RERE: variants seen among roughly 807,000 people sequenced by gnomAD.
RERE encodes arginine-glutamic acid dipeptide repeats protein.
In RERE, 40 loss-of-function variants were observed where a neutral mutation model predicts 146.1. The ratio of observed to expected loss-of-function variants is 0.27; its 90% CI spans 0.21 to 0.36. The LOEUF (loss-of-function observed/expected upper bound fraction) is 0.36. Among genes scored for constraint, RERE ranks in the 10% least tolerant of loss-of-function variants. The probability of loss-of-function intolerance (pLI) is 1.00; values close to 1 mark genes in which losing one functional copy is unlikely to be tolerated. For synonymous variants in RERE, 1,003 were observed against 866.0 expected, an observed-to-expected ratio of 1.16 and a Z score of -2.78; for missense variants, 1,933 against 2,138.7, an observed-to-expected ratio of 0.90 and a Z score of 1.90.
chr1:8,692,820 C>T (rs895099951), intron 1 of RERE, among the ~76,000 whole-genome samples: 3 of 152,144 alleles, frequency 2.0e-5, no homozygotes, highest in South Asian at 2.1e-4. Flanking sequence ...TTACATGAAC[C>T]CTAACCTATC....
chr1:8,647,706 GGTTTT>G (rs1292132210), intron 2 of RERE, among the ~76,000 whole-genome samples: 1 of 148,610 alleles, frequency 6.7e-6, no homozygotes, highest in Non-Finnish European at 1.5e-5. Flanking sequence ...ACCACATCTT[GGTTTT>G]GTTTTATTTT....
At chr1:8,487,768 C>A (rs191515397) in intron 10 of RERE, among the ~76,000 whole-genome samples, 2 of 152,040 alleles carry the variant, frequency 1.3e-5, no homozygotes, top group Non-Finnish European at 2.9e-5. Context: ...TATTTGCACA[C>A]GACATGTTTA....
chr1:8,794,090 TGA>T lies in RERE; in HGVS notation c.-145+23068_-145+23069del, dbSNP rs1450863346. Among the ~76,000 whole-genome samples the T allele has an allele frequency of 5.4e-5, 8 of 147,762 alleles. 1 individual carries two copies. The highest frequency in any genetic ancestry group is 3.4e-4 in the Admixed American group (5 of 14,722). ...CAAAAAAAAAAAAATTTTTTTTTTT[TGA>T]GAGAGAAAAAAATGGCCTCTGAAGG... On this transcript the variant is annotated intron_variant, in intron 1 of 22. Transcript: ENST00000400908.
At chr1:8,749,413 C>G (rs1426543858) in intron 1 of RERE, among the ~76,000 whole-genome samples, 1 of 150,568 alleles carries the variant, frequency 6.6e-6, no homozygotes, top group Non-Finnish European at 1.5e-5. Flanking sequence ...ATGAAAACAA[C>G]ACAATTTTGC....
intron 2 of RERE, among the ~76,000 whole-genome samples, chr1:8,640,507 T>A (rs1342971053): frequency 6.6e-6 from 1 of 152,210 alleles, no homozygotes; most frequent in Non-Finnish European, 1.5e-5. Context: ...CATAACTGAA[T>A]AGGGAAATCT....
intron 8 of RERE, among the ~76,000 whole-genome samples, chr1:8,505,810 C>T (rs116055998): frequency 3.9e-5 from 6 of 152,120 alleles, no homozygotes; most frequent in East Asian, 1.9e-4. Context: ...GGATTACAGG[C>T]GTGAGCCAAA....
At chr1:8,454,945 G>A (rs1335938292) in intron 11 of RERE, among the ~76,000 whole-genome samples, 1 of 152,098 alleles carries the variant, frequency 6.6e-6, no homozygotes, top group Non-Finnish European at 1.5e-5. Flanking sequence ...CTGACTCTCA[G>A]GCCAGTTTTC....
At chr1:8,800,648 G>C (rs1641569942) in intron 1 of RERE, among the ~76,000 whole-genome samples, 1 of 151,958 alleles carries the variant, frequency 6.6e-6, no homozygotes, top group Non-Finnish European at 1.5e-5. Context: ...TCCAGCCTGA[G>C]AAAGAGAGAT....
intron 4 of RERE, among the ~76,000 whole-genome samples, chr1:8,601,017 CTTT>C (rs34455445): frequency 5.7e-4 from 54 of 95,068 alleles, no homozygotes; most frequent in Non-Finnish European, 7.7e-4. Flanking sequence ...GTCTCCCAAA[CTTT>C]TTTTTTTTTT....
intron 6 of RERE, among the ~76,000 whole-genome samples, chr1:8,553,801 C>T (rs1645969537): frequency 6.6e-6 from 1 of 152,190 alleles, no homozygotes; most frequent in Non-Finnish European, 1.5e-5. Flanking sequence ...CTCCAAGAAA[C>T]ATCTGATTGT....
chr1:8,671,851 AG>A (rs948831556), intron 1 of RERE, among the ~76,000 whole-genome samples: 2 of 152,258 alleles, frequency 1.3e-5, no homozygotes, highest in African/African-American at 4.8e-5. Context: ...TATATGTCTC[AG>A]GAAGGCACAC....
At chr1:8,715,600 T>C (rs945129662) in intron 1 of RERE, among the ~76,000 whole-genome samples, 10 of 150,668 alleles carry the variant, frequency 6.6e-5, no homozygotes, top group Admixed American at 2.7e-4. Context: ...GAGGAGAAAG[T>C]AGAAGATATA....
At chr1:8,721,005 G>A (rs1020740698) in intron 1 of RERE, among the ~76,000 whole-genome samples, 3 of 152,082 alleles carry the variant, frequency 2.0e-5, no homozygotes, top group Admixed American at 6.6e-5. Context: ...GCAGTGAGCC[G>A]AGATCACCAC....
chr1:8,571,569 A>T (rs938418680), intron 4 of RERE, among the ~76,000 whole-genome samples: 2 of 152,246 alleles, frequency 1.3e-5, no homozygotes, highest in African/African-American at 4.8e-5. Flanking sequence ...AACACTAAAA[A>T]ATTATATTTT....
At chr1:8,722,590 GAA>G in intron 1 of RERE, among the ~76,000 whole-genome samples, 1 of 152,280 alleles carries the variant, frequency 6.6e-6, no homozygotes, top group Non-Finnish European at 1.5e-5. Flanking sequence ...ACCACGGACT[GAA>G]AATATTTGGA....
chr1:8,676,506 A>C (rs1638844312), intron 1 of RERE, among the ~76,000 whole-genome samples: 1 of 152,216 alleles, frequency 6.6e-6, no homozygotes, highest in Non-Finnish European at 1.5e-5. Flanking sequence ...GCAATGAGAG[A>C]GGTGTCACCT....
chr1:8,599,113 C>T (rs1557703497), intron 4 of RERE, among the ~76,000 whole-genome samples: 1 of 152,316 alleles, frequency 6.6e-6, no homozygotes, highest in South Asian at 2.1e-4. Context: ...CTCGCCTTCT[C>T]TTTGCTCCCT....
At chr1:8,739,305 T>C (rs1640261977) in intron 1 of RERE, among the ~76,000 whole-genome samples, 1 of 152,170 alleles carries the variant, frequency 6.6e-6, no homozygotes, top group Non-Finnish European at 1.5e-5. Context: ...AGGGGGCTCA[T>C]ACCTGACAGA....
chr1:8,810,696 A>T (rs1367452089), intron 1 of RERE, among the ~76,000 whole-genome samples: 3 of 152,200 alleles, frequency 2.0e-5, no homozygotes, highest in African/African-American at 7.2e-5. Context: ...TATCTATCCC[A>T]TGAGTATCTC....
Sources: gnomAD v4.1 joint callset for allele counts (sites outside exome capture counted in the v4.1 genomes callset) on GRCh38, gnomAD v4.1.1 for gene constraint, MANE v1.5 for transcripts, NCBI Gene and HGNC (gene_info 2026-07-23, HGNC 2026-07-21) for gene names.